Variants in KCNK2 observed in about 807,000 individuals in gnomAD.
KCNK2 encodes the protein potassium two pore domain channel subfamily K member 2, also known as potassium channel subfamily K member 2.
KCNK2 carries 21 observed loss-of-function variants against 40.5 expected under a neutral mutation model. That is an observed-to-expected ratio of 0.52 (90% CI 0.37 to 0.75). KCNK2 has a LOEUF of 0.75. KCNK2 is among the 30% of genes least tolerant of loss of function. The probability of loss-of-function intolerance (pLI) is 0.00; values close to 1 mark genes in which losing one functional copy is unlikely to be tolerated. For synonymous variants in KCNK2, 191 were observed against 202.2 expected (o/e 0.94, Z 0.47); for missense variants, 399 against 531.6 (o/e 0.75, Z 2.45).
intron 3 of KCNK2, among the ~76,000 whole-genome samples, chr1:215,162,634 C>T (rs184642236): frequency 6.6e-6 from 1 of 152,252 alleles, no homozygotes; most frequent in African/African-American, 2.4e-5. Flanking sequence ...CAGTTTTCTG[C>T]ATATAGCTAG....
In KCNK2 at chr1:215,107,030, A is replaced by AT. The variant is rs36102610; in HGVS notation, c.358-17590dup. ...AAGTCAAATAATGTAATGCCTCTAG[A>AT]TTTTTTTTTTTTTAATTTTCTTAGG... is the stretch of plus-strand genomic sequence containing the variant. On this transcript the variant is annotated intron_variant, in intron 2 of 6. Transcript: ENST00000444842. Among the ~76,000 whole-genome samples the AT allele has an allele frequency of 4.4e-4, 66 of 148,668 alleles. No individual in the cohort carries two copies. In the East Asian group the frequency reaches 5.7e-3, roughly 13 times the overall value.
intron 2 of KCNK2, among the ~76,000 whole-genome samples, chr1:215,119,549 G>T (rs1661090228): frequency 6.6e-6 from 1 of 152,086 alleles, no homozygotes; most frequent in South Asian, 2.1e-4. Flanking sequence ...TCCTATACTT[G>T]TCTATAAACG....
intron 1 of KCNK2, among the ~76,000 whole-genome samples, chr1:215,035,225 T>C (rs890065293): frequency 6.6e-6 from 1 of 152,150 alleles, no homozygotes; most frequent in African/African-American, 2.4e-5. Context: ...AAGAGTTGTT[T>C]GTTACAGTCC....
chr1:215,136,144 G>T (rs1661899278), intron 3 of KCNK2, among the ~76,000 whole-genome samples: 1 of 151,724 alleles, frequency 6.6e-6, no homozygotes, highest in Non-Finnish European at 1.5e-5. Context: ...TCACTCTGTC[G>T]CCCAGGTGTA....
chr1:215,104,508 C>G (rs1476947094), intron 2 of KCNK2, among the ~76,000 whole-genome samples: 1 of 151,996 alleles, frequency 6.6e-6, no homozygotes, highest in Non-Finnish European at 1.5e-5. Flanking sequence ...TGTTCTCTTG[C>G]TAGTGCCTGC....
At position 215,017,261 on chromosome 1, in the gene KCNK2, A is replaced by G. The variant is rs1232233488; in HGVS notation, c.34+11306A>G. Among the ~76,000 whole-genome samples the G allele has an allele frequency of 5.3e-5, 8 of 152,248 alleles. 1 individual carries two copies. The South Asian group carries it at 1.5e-3, about 28-fold the overall frequency. On this transcript the variant is annotated intron_variant, in intron 1 of 6. Transcript: ENST00000391895. ...TGGGTGTATATCCCAAAGAAAGAAA[A>G]TCATTTTATCAAAGAGATAGCTGCA...
chr1:215,212,820 TC>T (rs1416745730), intron 6 of KCNK2, among the ~76,000 whole-genome samples: 1 of 152,202 alleles, frequency 6.6e-6, no homozygotes, highest in Non-Finnish European at 1.5e-5. Flanking sequence ...TATCTGAGAT[TC>T]CCTTTGATCC....
At chr1:215,018,702 G>A (rs1356108254) in intron 1 of KCNK2, among the ~76,000 whole-genome samples, 2 of 152,154 alleles carry the variant, frequency 1.3e-5, no homozygotes, top group Non-Finnish European at 2.9e-5. Context: ...GTCAAAATGA[G>A]GTTGGGGAAT....
chr1:215,073,381 G>T lies in KCNK2; in HGVS notation c.35-12987G>T, dbSNP rs1481544853. Reference sequence around the variant, plus strand: ...AAGCACTAATAATTCTTGCAAAGGGGTAATAAATGGAGGGTGCAGAGTGCT... The same window carrying T: ...AAGCACTAATAATTCTTGCAAAGGGTTAATAAATGGAGGGTGCAGAGTGCT... On this transcript the variant is annotated intron_variant, in intron 1 of 6. Coordinates refer to the KCNK2 transcript ENST00000391895. Among the ~76,000 whole-genome samples the T allele has an allele frequency of 2.0e-5, 3 of 152,190 alleles. No homozygotes were observed. The East Asian group carries it at 5.8e-4, about 29-fold the overall frequency.
chr1:215,161,321 G>C (rs1236156988), intron 3 of KCNK2, among the ~76,000 whole-genome samples: 1 of 151,944 alleles, frequency 6.6e-6, no homozygotes, highest in Admixed American at 6.6e-5. Flanking sequence ...TTTCCTCCAA[G>C]AACTTACATG....
intron 6 of KCNK2, among the ~76,000 whole-genome samples, chr1:215,223,466 T>C (rs548746465): frequency 1.3e-4 from 20 of 152,032 alleles, no homozygotes; most frequent in African/African-American, 4.8e-4. Flanking sequence ...ATGAAAAATA[T>C]AGATAAGGCA....
At chr1:215,086,313 G>C (rs1571895058) in intron 1 of KCNK2, 55 bp from the exon 2 acceptor site, 7 of 1,432,692 alleles carry the variant, frequency 4.9e-6, no homozygotes, top group Non-Finnish European at 4.9e-6. Flanking sequence ...GAAGAAGCCC[G>C]ACCAATTCCC....
chr1:215,012,662 TTTC>T (rs1656449040), intron 1 of KCNK2, among the ~76,000 whole-genome samples: 1 of 149,912 alleles, frequency 6.7e-6, no homozygotes, highest in Admixed American at 6.6e-5. Flanking sequence ...TTTTTTTTTT[TTTC>T]TGTAGAGTCA....
intron 3 of KCNK2, among the ~76,000 whole-genome samples, chr1:215,155,681 A>G (rs1310821814): frequency 6.6e-6 from 1 of 151,946 alleles, no homozygotes; most frequent in Admixed American, 6.6e-5. Flanking sequence ...CACCACACAC[A>G]GCTAATTTTT....
chr1:215,060,110 T>A (rs1305441497), intron 1 of KCNK2, among the ~76,000 whole-genome samples: 1 of 152,136 alleles, frequency 6.6e-6, no homozygotes, highest in Non-Finnish European at 1.5e-5. Flanking sequence ...GGTACTGAGG[T>A]GAGAGCCAAC....
At chr1:215,212,713 C>G (rs531612856) in intron 6 of KCNK2, among the ~76,000 whole-genome samples, 1 of 152,268 alleles carries the variant, frequency 6.6e-6, no homozygotes, top group Non-Finnish European at 1.5e-5. Context: ...AACTTTTGCT[C>G]AGAAATGCTG....
chr1:215,153,818 A>G (rs532206861), intron 3 of KCNK2, among the ~76,000 whole-genome samples: 1 of 151,328 alleles, frequency 6.6e-6, no homozygotes. Flanking sequence ...TCACTGTTCA[A>G]CTCCCACTTA....
At chr1:215,122,452 G>C (rs1392706842) in intron 2 of KCNK2, among the ~76,000 whole-genome samples, 1 of 152,066 alleles carries the variant, frequency 6.6e-6, no homozygotes, top group Non-Finnish European at 1.5e-5. Context: ...AGAGTTAGAT[G>C]AATAGAATTA....
At chr1:215,183,884 G>A (rs2102651625) in intron 5 of KCNK2, among the ~76,000 whole-genome samples, 1 of 152,278 alleles carries the variant, frequency 6.6e-6, no homozygotes, top group East Asian at 1.9e-4. Context: ...TAAGATCTCA[G>A]AGAGGGCTAA....
Sources: allele counts gnomAD v4.1 joint callset (sites outside exome capture counted in the v4.1 genomes callset), GRCh38; gene constraint gnomAD v4.1.1; transcripts MANE v1.5; gene names NCBI Gene and HGNC (gene_info 2026-07-23, HGNC 2026-07-21).